Variants in KIF16B observed in about 807,000 individuals in gnomAD.
KIF16B encodes kinesin-like protein KIF16B.
A neutral mutation model predicts 156.3 loss-of-function variants in KIF16B; 98 were observed. The ratio of observed to expected loss-of-function variants is 0.63; its 90% CI spans 0.53 to 0.74. The LOEUF is 0.74. Ranked by LOEUF, KIF16B falls within the 30% of genes least tolerant of loss-of-function variation. The pLI is 0.00. For synonymous variants in KIF16B, 564 were observed against 583.7 expected, an observed-to-expected ratio of 0.97 and a Z score of 0.49; for missense variants, 1,421 against 1,606.5, an observed-to-expected ratio of 0.88 and a Z score of 1.97.
chr20:16,299,902 A>G (rs2063446542), intron 25 of KIF16B, among the ~76,000 whole-genome samples: 1 of 152,206 alleles, frequency 6.6e-6, no homozygotes. Flanking sequence ...GTTAAATCTA[A>G]TAATAGGTCA....
chr20:16,353,972 T>C (rs946571726), intron 23 of KIF16B, among the ~76,000 whole-genome samples: 1 of 152,224 alleles, frequency 6.6e-6, no homozygotes, highest in African/African-American at 2.4e-5. Context: ...AATGACACGC[T>C]TCAGAACTTG....
intron 25 of KIF16B, among the ~76,000 whole-genome samples, chr20:16,298,450 G>A (rs1326850987): frequency 6.6e-6 from 1 of 152,208 alleles, no homozygotes; most frequent in Non-Finnish European, 1.5e-5. Flanking sequence ...TTGGAAGGAT[G>A]TATGTGTCCA....
intron 17 of KIF16B, among the ~76,000 whole-genome samples, chr20:16,389,530 A>G (rs914720404): frequency 6.6e-6 from 1 of 152,160 alleles, no homozygotes; most frequent in Non-Finnish European, 1.5e-5. Context: ...GGGTTCTTCA[A>G]TGGTTTAGAC....
chr20:16,434,063 TA>T (rs35480077), intron 12 of KIF16B, among the ~76,000 whole-genome samples: 1 of 151,580 alleles, frequency 6.6e-6, no homozygotes, highest in African/African-American at 2.4e-5. Context: ...TTATTTGGAT[TA>T]AAAAAAAACC....
intron 18 of KIF16B, among the ~76,000 whole-genome samples, chr20:16,381,387 T>C (rs570663714): frequency 8.0e-6 from 1 of 125,170 alleles, no homozygotes; most frequent in South Asian, 3.0e-4. Flanking sequence ...CTACTTTTGA[T>C]TAAATTTAAA....
chr20:16,554,023 C>A (rs1354497796), intron 1 of KIF16B, among the ~76,000 whole-genome samples: 1 of 152,170 alleles, frequency 6.6e-6, no homozygotes, highest in Non-Finnish European at 1.5e-5. Context: ...CAGCTCAGCG[C>A]CGGCCTGCAG....
chr20:16,275,723 C>A (rs375149553), intron 25 of KIF16B, among the ~76,000 whole-genome samples: 6 of 152,274 alleles, frequency 3.9e-5, no homozygotes, highest in African/African-American at 1.4e-4. Flanking sequence ...AAATCAACTG[C>A]TGAAAAGTGA....
intron 23 of KIF16B, among the ~76,000 whole-genome samples, chr20:16,348,815 T>G (rs1167551642): frequency 6.6e-6 from 1 of 152,196 alleles, no homozygotes; most frequent in Admixed American, 6.5e-5. Context: ...CACAGGTTGA[T>G]AAACTGTAAG....
chr20:16,415,646 CCTT>C (rs1452010970), intron 15 of KIF16B, among the ~76,000 whole-genome samples: 6 of 152,144 alleles, frequency 3.9e-5, no homozygotes, highest in Non-Finnish European at 7.4e-5. Context: ...TCTCACTACT[CCTT>C]CTCCTCCCTC....
intron 1 of KIF16B, among the ~76,000 whole-genome samples, chr20:16,531,313 T>C (rs1036514932): frequency 6.6e-6 from 1 of 152,336 alleles, no homozygotes; most frequent in South Asian, 2.1e-4. Flanking sequence ...CAAAACTATC[T>C]ATACTTCAAG....
At chr20:16,396,734 C>T (rs1489807217) in intron 17 of KIF16B, among the ~76,000 whole-genome samples, 11 of 143,170 alleles carry the variant, frequency 7.7e-5, no homozygotes, top group South Asian at 2.4e-4. Context: ...ATCACTCATT[C>T]GTCTTCTTCC....
intron 1 of KIF16B, among the ~76,000 whole-genome samples, chr20:16,562,821 T>C (rs144144729): frequency 6.6e-6 from 1 of 152,284 alleles, no homozygotes; most frequent in Non-Finnish European, 1.5e-5. Context: ...GACGGGCATA[T>C]GAGACAGAAC....
At chr20:16,274,843 A>G (rs4814467) in intron 25 of KIF16B, among the ~76,000 whole-genome samples, 17,709 of 152,202 alleles carry the variant, frequency 0.12, 1,124 homozygotes, top group African/African-American at 0.15. Context: ...TTGAGAAGAG[A>G]AAGTAGAATT....
intron 10 of KIF16B, among the ~76,000 whole-genome samples, chr20:16,502,353 T>C (rs2068650385): frequency 6.6e-6 from 1 of 152,194 alleles, no homozygotes; most frequent in African/African-American, 2.4e-5. Context: ...ACACCTGCTG[T>C]TTTTATTAAG....
At chr20:16,349,380 C>A (rs114077563) in intron 23 of KIF16B, among the ~76,000 whole-genome samples, 1 of 152,158 alleles carries the variant, frequency 6.6e-6, no homozygotes, top group African/African-American at 2.4e-5. Flanking sequence ...TGGAGGCCAC[C>A]ATGTCATCAA....
chr20:16,296,097 G>C (rs1189359748), intron 25 of KIF16B, among the ~76,000 whole-genome samples: 1 of 152,158 alleles, frequency 6.6e-6, no homozygotes, highest in Non-Finnish European at 1.5e-5. Context: ...TATGTGAACT[G>C]TAAAGGGCAG....
chr20:16,389,738 T>C (rs938377243), intron 17 of KIF16B, among the ~76,000 whole-genome samples: 23 of 152,176 alleles, frequency 1.5e-4, no homozygotes, highest in Admixed American at 5.2e-4. Context: ...TTCTAGATGT[T>C]CCTTGAAGGC....
At chr20:16,473,880 C>G (rs571098533) in intron 12 of KIF16B, among the ~76,000 whole-genome samples, 4 of 152,252 alleles carry the variant, frequency 2.6e-5, no homozygotes, top group African/African-American at 9.6e-5. Flanking sequence ...GAATAAATGT[C>G]CAGAATGTAA....
intron 1 of KIF16B, among the ~76,000 whole-genome samples, chr20:16,555,749 G>A (rs912824752): frequency 1.3e-5 from 2 of 152,132 alleles, no homozygotes; most frequent in Admixed American, 6.5e-5. Flanking sequence ...GGAAAAGGGG[G>A]AAGATGGCAA....
Sources: gnomAD v4.1 joint callset for allele counts (sites outside exome capture counted in the v4.1 genomes callset) on GRCh38, gnomAD v4.1.1 for gene constraint, MANE v1.5 for transcripts, NCBI Gene and HGNC (gene_info 2026-07-23, HGNC 2026-07-21) for gene names.